GREB1L: variants seen among roughly 807,000 people sequenced by gnomAD.
GREB1L encodes the protein GREB1 like retinoic acid receptor coactivator.
In GREB1L, 17 loss-of-function variants were observed where a neutral mutation model predicts 200.8. That is an observed-to-expected ratio of 0.08 (90% CI 0.06 to 0.13). GREB1L has a LOEUF of 0.13. Among genes scored for constraint, GREB1L ranks in the 10% least tolerant of loss-of-function variants. GREB1L has a pLI of 1.00. For synonymous variants in GREB1L, 789 were observed against 893.0 expected, an observed-to-expected ratio of 0.88 and a Z score of 2.08; for missense variants, 1,657 against 2,367.7, an observed-to-expected ratio of 0.70 and a Z score of 6.23.
chr18:21,490,766 G>A (rs1205473313), intron 19 of GREB1L, among the ~76,000 whole-genome samples: 1 of 152,144 alleles, frequency 6.6e-6, no homozygotes, highest in Non-Finnish European at 1.5e-5. Context: ...TGTTCATCTA[G>A]CCTCTCTGTG....
intron 1 of GREB1L, among the ~76,000 whole-genome samples, chr18:21,315,908 C>CGCACAT (rs2038860514): frequency 6.6e-6 from 1 of 152,052 alleles, no homozygotes; most frequent in Admixed American, 6.5e-5. Flanking sequence ...TTACACAACC[C>CGCACAT]GCACATCGAA....
intron 1 of GREB1L, among the ~76,000 whole-genome samples, chr18:21,336,044 G>C (rs1218262959): frequency 6.6e-6 from 1 of 152,118 alleles, no homozygotes; most frequent in Admixed American, 6.6e-5. Flanking sequence ...GAGCAAGGCT[G>C]CACTGACGTT....
chr18:21,497,121 G>A (rs1394489258), intron 21 of GREB1L, among the ~76,000 whole-genome samples: 2 of 152,184 alleles, frequency 1.3e-5, no homozygotes, highest in African/African-American at 4.8e-5. Context: ...ATGAATGAAT[G>A]AATGGCTTTT....
At chr18:21,438,960 C>CAAAAAAAAAAAAAAA (rs59125788) in intron 7 of GREB1L, among the ~76,000 whole-genome samples, 2 of 64,586 alleles carry the variant, frequency 3.1e-5, no homozygotes, top group Non-Finnish European at 6.9e-5. Flanking sequence ...GACTCTGTCT[C>CAAAAAAAAAAAAAAA]AAAAAAAAAA....
chr18:21,473,934 G>A (rs1216016190), intron 16 of GREB1L, among the ~76,000 whole-genome samples: 2 of 152,246 alleles, frequency 1.3e-5, no homozygotes, highest in South Asian at 2.1e-4. Flanking sequence ...AGAAACCTCT[G>A]ATAATATCAT....
intron 7 of GREB1L, among the ~76,000 whole-genome samples, chr18:21,427,874 A>G (rs1177608991): frequency 2.0e-5 from 3 of 152,108 alleles, no homozygotes; most frequent in African/African-American, 7.2e-5. Context: ...CTTCTTGTAC[A>G]TGTTAAATAG....
chr18:21,421,474 A>C (rs2032141062), intron 7 of GREB1L, among the ~76,000 whole-genome samples: 1 of 152,216 alleles, frequency 6.6e-6, no homozygotes, highest in Non-Finnish European at 1.5e-5. Context: ...CATTAGAAGG[A>C]CATTAATTGC....
chr18:21,500,373 GC>G, intron 22 of GREB1L, 67 bp downstream of exon 22: 1 of 860,368 alleles, frequency 1.2e-6, no homozygotes, highest in Non-Finnish European at 1.8e-6. Context: ...AGAAGTAGAA[GC>G]CAGAAAACCT....
intron 1 of GREB1L, among the ~76,000 whole-genome samples, chr18:21,270,651 C>T (rs2144271026): frequency 6.6e-6 from 1 of 152,254 alleles, no homozygotes; most frequent in Non-Finnish European, 1.5e-5. Context: ...TTGTTTTAAC[C>T]CTGCCTAAAA....
chr18:21,289,779 G>A (rs144296132), intron 1 of GREB1L, among the ~76,000 whole-genome samples: 1 of 152,230 alleles, frequency 6.6e-6, no homozygotes, highest in African/African-American at 2.4e-5. Context: ...AATTAAATCA[G>A]AATTGTATAT....
At chr18:21,506,262 G>A (rs1268724329) in intron 25 of GREB1L, among the ~76,000 whole-genome samples, 1 of 152,096 alleles carries the variant, frequency 6.6e-6, no homozygotes, top group African/African-American at 2.4e-5. Context: ...GGGTGTGGTG[G>A]CACATGCCTG....
At chr18:21,308,246 TAGTATTC>T (rs1320796057) in intron 1 of GREB1L, among the ~76,000 whole-genome samples, 1 of 152,226 alleles carries the variant, frequency 6.6e-6, no homozygotes, top group Non-Finnish European at 1.5e-5. Flanking sequence ...TTACCTTCTT[TAGTATTC>T]AGTCAACGTT....
intron 1 of GREB1L, among the ~76,000 whole-genome samples, chr18:21,343,111 A>G (rs2039291918): frequency 6.6e-6 from 1 of 151,918 alleles, no homozygotes; most frequent in Admixed American, 6.6e-5. Context: ...TAAGTCATGG[A>G]CACCTTTTGG....
rs535722957 is a variant in GREB1L at position 21,374,850 on chromosome 18, CTT to C, written c.-9-8642_-9-8641del. On this transcript the variant is annotated intron_variant, in intron 2 of 32. Coordinates refer to ENST00000424526, the MANE Select transcript of GREB1L (RefSeq NM_001142966.3). ...CAAAAGGGGAACTTTTTTCCTTTTC[CTT>C]TTTTTTTTTTTTTTTTTCCACACAG... Among the ~76,000 whole-genome samples the C allele has an allele frequency of 2.8e-4, 36 of 130,226 alleles. 1 individual carries two copies. The highest frequency in any genetic ancestry group is 1.7e-3 in the South Asian group (7 of 4,128). The allele number at this position is 130,226 out of a possible 152,430, so 85.4% of individuals were successfully genotyped here. A position where few individuals can be genotyped will look rare whatever the true frequency, so the allele number is the denominator to read the frequency against.
At chr18:21,426,352 C>T (rs1015246292) in intron 7 of GREB1L, among the ~76,000 whole-genome samples, 2 of 151,984 alleles carry the variant, frequency 1.3e-5, no homozygotes, top group East Asian at 1.9e-4. Flanking sequence ...CCACCGCGCC[C>T]GGCCTTAGGT....
In GREB1L at chr18:21,525,774, CTTAAAAAATT is replaced by C. The variant is rs2037676308; in HGVS notation, c.*2957_*2966del. 6.6e-6 allele frequency among the ~76,000 whole-genome samples: 1 copy of C among 152,180 alleles called. No individual in the cohort carries two copies. Among genetic ancestry groups the C allele is most frequent in the Non-Finnish European group, 1.5e-5 (1 of 68,020 alleles). On this transcript the variant is annotated 3_prime_UTR_variant, in exon 33 of 33. Coordinates refer to ENST00000424526, the MANE Select transcript of GREB1L (RefSeq NM_001142966.3). ...GTTATTGTAGTATGAATTATATCTT[CTTAAAAAATT>C]TTACCAACTTTTGAGAATAACAACT...
intron 1 of GREB1L, among the ~76,000 whole-genome samples, chr18:21,320,464 A>AG (rs1220775037): frequency 3.3e-5 from 5 of 152,204 alleles, no homozygotes; most frequent in Admixed American, 6.5e-5. Flanking sequence ...AAAACAGATT[A>AG]GAAAAATAAA....
intron 1 of GREB1L, among the ~76,000 whole-genome samples, chr18:21,246,926 C>T (rs1305986397): frequency 2.6e-5 from 4 of 152,172 alleles, no homozygotes; most frequent in Non-Finnish European, 5.9e-5. Flanking sequence ...TATCTTTTGG[C>T]TACAAATGGA....
At chr18:21,482,413 A>G (rs2035955221) in intron 17 of GREB1L, among the ~76,000 whole-genome samples, 1 of 152,124 alleles carries the variant, frequency 6.6e-6, no homozygotes, top group Non-Finnish European at 1.5e-5. Context: ...ATGTGCCACC[A>G]CGCTCGGCTA....
Sources: allele counts gnomAD v4.1 joint callset (sites outside exome capture counted in the v4.1 genomes callset), GRCh38; gene constraint gnomAD v4.1.1; transcripts MANE v1.5; gene names NCBI Gene and HGNC (gene_info 2026-07-23, HGNC 2026-07-21).